The following DNASE2B variants were observed in gnomAD, a reference collection of about 807,000 sequenced individuals.
DNASE2B encodes the protein deoxyribonuclease 2 beta.
Under a neutral mutation model 46.0 loss-of-function variants are expected in DNASE2B, and 43 were observed. The observed-to-expected ratio is 0.94, with a 90% confidence interval of 0.73 to 1.21. The LOEUF (loss-of-function observed/expected upper bound fraction) is 1.21, where lower values mean the gene tolerates loss of function less well. Ranked by LOEUF, DNASE2B falls within the 50% of genes most tolerant of loss-of-function variation. DNASE2B has a pLI of 0.00. For synonymous variants in DNASE2B, 156 were observed against 152.5 expected (o/e 1.02, Z -0.17); for missense variants, 395 against 414.4 (o/e 0.95, Z 0.41).
At chr1:84,411,238 G>A (rs1570306320) in intron 4 of DNASE2B, among the ~76,000 whole-genome samples, 2 of 152,156 alleles carry the variant, frequency 1.3e-5, no homozygotes, top group South Asian at 4.2e-4. Context: ...ATGTATTCAG[G>A]GGCCTGGTAG....
At chr1:84,409,281 A>G (rs779079473) in intron 3 of DNASE2B, among the ~76,000 whole-genome samples, 10 of 152,160 alleles carry the variant, frequency 6.6e-5, no homozygotes, top group Non-Finnish European at 1.3e-4. Context: ...ATAACTTTCC[A>G]TGGCAACAAG....
At chr1:84,404,076 GATTATAC>G (rs1340219943) in intron 2 of DNASE2B, among the ~76,000 whole-genome samples, 3 of 151,808 alleles carry the variant, frequency 2.0e-5, no homozygotes, top group African/African-American at 4.8e-5. Context: ...GAAGTGCTGG[GATTATAC>G]ACATGAGACA....
At chr1:84,402,164 C>T in intron 2 of DNASE2B, 86 bp downstream of exon 2, 1 of 1,339,128 alleles carries the variant, frequency 7.5e-7, no homozygotes. Flanking sequence ...TTCTGTTCAC[C>T]CACCCAACCC....
intron 2 of DNASE2B, among the ~76,000 whole-genome samples, chr1:84,402,553 G>GCCT (rs1680439147): frequency 6.6e-6 from 1 of 152,160 alleles, no homozygotes; most frequent in Non-Finnish European, 1.5e-5. Flanking sequence ...TTTTCAAAAT[G>GCCT]ATATGTTGAA....
rs150020198 is a variant in DNASE2B, at chr1:84,403,346, T to C, written c.303+1268T>C. ...TGATAACATCAATAGTCGAATAACA[T>C]GTAATTTTTATGTTATATATCTTAT... On this transcript the variant is annotated intron_variant, in intron 2 of 5. Transcript: ENST00000370665. Among the ~76,000 whole-genome samples the C allele has an allele frequency of 2.9e-3, 449 of 152,334 alleles. 1 individual carries two copies. The highest frequency in any genetic ancestry group is 6.8e-3 in the Middle Eastern group (2 of 294).
intron 1 of DNASE2B, among the ~76,000 whole-genome samples, chr1:84,401,464 C>T (rs546535886): frequency 2.2e-4 from 33 of 152,274 alleles, no homozygotes; most frequent in Non-Finnish European, 3.7e-4. Flanking sequence ...GCAGAGTATT[C>T]GGATAAACTG....
At chr1:84,411,430 GTGTGTGTGTGTGTGTGTGTGTGT>G (rs1680591585) in intron 4 of DNASE2B, among the ~76,000 whole-genome samples, 1 of 1,612 alleles carries the variant, frequency 6.2e-4, no homozygotes, top group Non-Finnish European at 8.9e-3. Context: ...CCTAGGGTGT[GTGTGTGTGTGTGTGTGTGTGTGT>G]GTGTGTGTGT....
Position 84,408,903 on chromosome 1 carries a change from T to C in DNASE2B, c.385+385T>C, listed in dbSNP as rs1680541405. Among the ~76,000 whole-genome samples, 6 of 151,970 alleles carry C rather than the reference T, an allele frequency of 3.9e-5. No homozygotes were observed. The South Asian group carries it at 1.2e-3, about 32-fold the overall frequency. ...TATGTACAAACACATTTTAGTCAGA[T>C]TTATTGAAGTATGATTTATAGAGAG... is the stretch of plus-strand genomic sequence containing the variant. On this transcript the variant is annotated intron_variant, in intron 3 of 5. Transcript: ENST00000370665.
rs1680591451 is a variant in DNASE2B at position 84,411,430 on chromosome 1, GTGTGTGTGTGTGT to G, written c.547+432_547+444del. Among the ~76,000 whole-genome samples the G allele has an allele frequency of 6.2e-3, 10 of 1,612 alleles. 1 individual carries two copies. In the Admixed American group the frequency reaches 0.064, roughly 10 times the overall value. 1.1% of individuals were successfully genotyped at this position (1,612 alleles called of 152,430 possible). Reference sequence around the variant, plus strand: ...ATGAAGTACCAGAAACCTAGGGTGTGTGTGTGTGTGTGTGTGTGTGTGTGTGTGTGTGTGTGTG... The same window carrying G: ...ATGAAGTACCAGAAACCTAGGGTGTGGTGTGTGTGTGTGTGTGTGTGTGTG... On this transcript the variant is annotated intron_variant, in intron 4 of 5. Coordinates refer to ENST00000370665, the MANE Select transcript of DNASE2B (RefSeq NM_021233.3).
chr1:84,401,900 G>C lies in DNASE2B; in HGVS notation c.126-1G>C. On this transcript the variant is annotated splice_acceptor_variant, in intron 1 of 5. Coordinates refer to ENST00000370665, the MANE Select transcript of DNASE2B (RefSeq NM_021233.3). LOFTEE classifies it high-confidence loss of function. ...TAATTCATAATCATTTTGTCTGTTA[G>C]GTTTACTTTTTATAAGTTACCTAAA... is the stretch of plus-strand genomic sequence containing the variant. 1 of 1,497,742 alleles carries C rather than the reference G, an allele frequency of 6.7e-7. No individual in the cohort carries two copies. Among genetic ancestry groups the C allele is most frequent in the Non-Finnish European group, 8.9e-7 (1 of 1,128,668 alleles). The allele number at this position is 1,497,742 out of a possible 1,614,324, so 92.8% of individuals were successfully genotyped here.
chr1:84,403,046 T>C (rs1294608489), intron 2 of DNASE2B, among the ~76,000 whole-genome samples: 1 of 152,222 alleles, frequency 6.6e-6, no homozygotes, highest in African/African-American at 2.4e-5. Context: ...AAGACTAGCC[T>C]TCAGAGCCAA....
intron 4 of DNASE2B, among the ~76,000 whole-genome samples, chr1:84,412,082 C>T (rs189438861): frequency 1.3e-5 from 2 of 152,210 alleles, no homozygotes; most frequent in African/African-American, 4.8e-5. Context: ...ATGATAACAA[C>T]AGAATTTGCC....
rs536012282 is a variant in DNASE2B, at chr1:84,407,149, G to C, written c.304-1288G>C. Among the ~76,000 whole-genome samples, 8 of 152,170 alleles carry C rather than the reference G, an allele frequency of 5.3e-5. No individual in the cohort carries two copies. The South Asian group carries it at 1.7e-3, about 32-fold the overall frequency. On this transcript the variant is annotated intron_variant, in intron 2 of 5. Transcript: ENST00000370665. ...TATCAATAGCCTCTCTTCCAACTAA[G>C]GCTACAATCCACTTAACCTCAGCTG...
intron 3 of DNASE2B, 110 bp from the exon 4 acceptor site, chr1:84,410,728 A>G: frequency 9.6e-7 from 1 of 1,038,542 alleles, no homozygotes; most frequent in Non-Finnish European, 1.4e-6. Context: ...TATTAGCCTA[A>G]TAAAACACTA....
At chr1:84,401,742 A>G (rs562034606) in intron 1 of DNASE2B, among the ~76,000 whole-genome samples, 159 bp from the exon 2 acceptor site, 6 of 152,238 alleles carry the variant, frequency 3.9e-5, no homozygotes, top group Non-Finnish European at 7.3e-5. Context: ...AGGAGCAAAG[A>G]TAAGAGTGAA....
rs1306385916 is a variant in DNASE2B at position 84,402,772 on chromosome 1, T to C, written c.303+694T>C. Among the ~76,000 whole-genome samples the C allele has an allele frequency of 2.0e-5, 3 of 152,194 alleles. No individual in the cohort carries two copies. The East Asian group carries it at 5.8e-4, about 29-fold the overall frequency. ...CTGCTTTCCAACCAGGAGTGGCAAG[T>C]AAAATCAAGCCATGATTAACATCCA... On this transcript the variant is annotated intron_variant, in intron 2 of 5. Coordinates refer to ENST00000370665, the MANE Select transcript of DNASE2B (RefSeq NM_021233.3).
intron 3 of DNASE2B, among the ~76,000 whole-genome samples, chr1:84,410,530 A>G (rs1680569357): frequency 6.6e-6 from 1 of 152,206 alleles, no homozygotes; most frequent in Non-Finnish European, 1.5e-5. Context: ...TCCAATTCCA[A>G]TTTAGCAAAT....
intron 2 of DNASE2B, among the ~76,000 whole-genome samples, chr1:84,402,743 GA>G (rs1680442322): frequency 6.6e-6 from 1 of 152,188 alleles, no homozygotes; most frequent in African/African-American, 2.4e-5. Context: ...TTAGTTTCAA[GA>G]TACTGCTTTC....
At position 84,412,580 on chromosome 1, in the gene DNASE2B, T is replaced by C. The variant is rs769105876; in HGVS notation, c.745+34T>C. On this transcript the variant is annotated intron_variant, in intron 5 of 5. Transcript: ENST00000370665. ...GACCATCATCAAACAACATGCTGTATAATTCTGCTGTTGAACTGACTAGGG... is the reference window on the plus strand; with the variant it reads ...GACCATCATCAAACAACATGCTGTACAATTCTGCTGTTGAACTGACTAGGG... 11 of 1,545,208 alleles carry C rather than the reference T, an allele frequency of 7.1e-6. No individual in the cohort carries two copies. In the South Asian group the frequency reaches 1.2e-4, roughly 17 times the overall value.
Sources: gnomAD v4.1 joint callset for allele counts (sites outside exome capture counted in the v4.1 genomes callset) on GRCh38, gnomAD v4.1.1 for gene constraint, MANE v1.5 for transcripts, NCBI Gene and HGNC (gene_info 2026-07-23, HGNC 2026-07-21) for gene names.